SYNE2: variants seen among roughly 807,000 people sequenced by gnomAD.
SYNE2 encodes the protein spectrin repeat containing nuclear envelope protein 2.
In SYNE2, 431 loss-of-function variants were observed where a neutral mutation model predicts 856.3. The observed-to-expected ratio is 0.50, with a 90% CI of 0.47 to 0.55. SYNE2 has a LOEUF of 0.55. SYNE2 is among the 20% of genes least tolerant of loss of function. SYNE2 has a pLI of 0.00. For missense variants in SYNE2, 8,129 were observed against 8,023.2 expected (o/e 1.01, Z -0.50); for synonymous variants, 2,923 against 2,872.3 (o/e 1.02, Z -0.56).
At chr14:63,931,561 A>AAAGAAAG (rs1555384283) in intron 2 of SYNE2, among the ~76,000 whole-genome samples, 3 of 151,094 alleles carry the variant, frequency 2.0e-5, no homozygotes, top group African/African-American at 7.4e-5. Flanking sequence ...AAAAAAAAAA[A>AAAGAAAG]AAAGAAAGAA....
At chr14:64,172,916 CAG>C (rs940827875) in intron 94 of SYNE2, among the ~76,000 whole-genome samples, 1 of 149,662 alleles carries the variant, frequency 6.7e-6, no homozygotes, top group South Asian at 2.1e-4. Flanking sequence ...GCCTGGGTAA[CAG>C]AGCAAGACCT....
At position 64,208,940 on chromosome 14, in the gene SYNE2, C is replaced by T. The variant is rs758890375; in HGVS notation, c.18384C>T (p.Arg6128=). The stretch of plus-strand genomic sequence containing the variant: ...TTTGTGCCATGTCCATGGAGCGGCG[C>T]ATGAAGTAAGAACTAAGCTCCCCCA... ...RNICAMSMER[R]MKIEETWRLW... is the part of the protein sequence containing the mutation. Residue 6128 remains arginine (R), a synonymous_variant, in exon 101 of 116, where the codon CGC becomes CGT. Coordinates refer to ENST00000555002, the MANE Select transcript of SYNE2 (RefSeq NM_182914.3). 1 of 1,613,752 alleles carries T rather than the reference C, an allele frequency of 6.2e-7. No homozygotes were observed. The highest frequency in any genetic ancestry group is 1.3e-5 in the African/African-American group (1 of 74,926).
intron 65 of SYNE2, among the ~76,000 whole-genome samples, chr14:64,112,045 G>A (rs1398931082): frequency 6.6e-6 from 1 of 152,160 alleles, no homozygotes; most frequent in Admixed American, 6.5e-5. Flanking sequence ...TACAACCCAA[G>A]ACACTTGTGC....
At chr14:64,166,505 A>C (rs2098380109) in intron 90 of SYNE2, among the ~76,000 whole-genome samples, 1 of 152,230 alleles carries the variant, frequency 6.6e-6, no homozygotes, top group Non-Finnish European at 1.5e-5. Context: ...GTCATGTTCT[A>C]TCAAAATATG....
At chr14:64,148,941 C>A (rs927232164) in intron 84 of SYNE2, among the ~76,000 whole-genome samples, 1 of 151,738 alleles carries the variant, frequency 6.6e-6, no homozygotes, top group African/African-American at 2.4e-5. Context: ...TATTAATAGA[C>A]CTAAAAGGCT....
At chr14:63,924,158 A>G (rs1182116814) in intron 2 of SYNE2, among the ~76,000 whole-genome samples, 1 of 152,126 alleles carries the variant, frequency 6.6e-6, no homozygotes, top group Non-Finnish European at 1.5e-5. Context: ...GTCAGAAATC[A>G]ATTGCCCATA....
Position 64,157,618 on chromosome 14 carries a change from CAT to C in SYNE2, c.15793-1004_15793-1003del, listed in dbSNP as rs142021162. Among the ~76,000 whole-genome samples, 376 of 152,246 alleles carry C rather than the reference CAT, an allele frequency of 2.5e-3. 1 individual carries two copies. Among genetic ancestry groups the C allele is most frequent in the African/African-American group, 8.7e-3 (361 of 41,542 alleles). On this transcript the variant is annotated intron_variant, in intron 85 of 115. Coordinates refer to ENST00000555002, the MANE Select transcript of SYNE2 (RefSeq NM_182914.3). ...GTGTATAAGAGTACAATTGTTAGGTCATATGGCAACTCTATTTAATTTTTTGA... is the reference window on the plus strand; with the variant it reads ...GTGTATAAGAGTACAATTGTTAGGTCATGGCAACTCTATTTAATTTTTTGA...
At chr14:64,147,713 T>C (rs78235130) in intron 84 of SYNE2, among the ~76,000 whole-genome samples, 1 of 152,208 alleles carries the variant, frequency 6.6e-6, no homozygotes, top group African/African-American at 2.4e-5. Context: ...CTGCCCTCTT[T>C]AGCACACCAA....
intron 94 of SYNE2, chr14:64,173,887 A>G (rs765739132): frequency 7.1e-5 from 47 of 662,388 alleles, no homozygotes; most frequent in Non-Finnish European, 9.9e-5. Context: ...CCTAGTTTCA[A>G]TCTCTTTAAA....
intron 104 of SYNE2, 129 bp downstream of exon 104, chr14:64,212,227 C>G: frequency 6.9e-7 from 1 of 1,440,594 alleles, no homozygotes; most frequent in Non-Finnish European, 9.6e-7. Flanking sequence ...CAGGCTACAT[C>G]CCACCTGTGT....
At chr14:64,214,151 C>G (rs1185262574) in intron 105 of SYNE2, 43 bp from the exon 106 acceptor site, 10 of 1,613,952 alleles carry the variant, frequency 6.2e-6, no homozygotes, top group South Asian at 5.5e-5. Context: ...ATTGCAGAAG[C>G]CTATGAGTTG....
intron 6 of SYNE2, among the ~76,000 whole-genome samples, chr14:63,948,739 G>GT (rs1566883369): frequency 2.9e-5 from 3 of 102,260 alleles, no homozygotes; most frequent in South Asian, 3.1e-4. Flanking sequence ...TATGTGTATA[G>GT]ATATGTGTGT....
chr14:64,162,848 CAATTT>C (rs2098339516), intron 88 of SYNE2: 2 of 191,020 alleles, frequency 1.0e-5, no homozygotes, highest in South Asian at 1.0e-4. Flanking sequence ...ACGTGGCAAC[CAATTT>C]AATTAGGTGA....
At chr14:64,075,797 CT>C in intron 53 of SYNE2, 147 bp from the exon 54 acceptor site, 1 of 770,140 alleles carries the variant, frequency 1.3e-6, no homozygotes, top group Non-Finnish European at 2.2e-6. Flanking sequence ...GTCTCTGGGG[CT>C]TAATCAGCTT....
At position 64,143,888 on chromosome 14, in the gene SYNE2, A is replaced by G. The variant is rs1235715706; in HGVS notation, c.15423A>G (p.Ala5141=). The G allele has an allele frequency of 6.2e-7, 1 of 1,614,112 alleles. No homozygotes were observed. The highest frequency in any genetic ancestry group is 1.3e-5 in the African/African-American group (1 of 74,948). ...AGCGCTATGAAAGAACGGAGTTTGC[A>G]GAGCACCTGGGGGAGATGAACCGCC... is the stretch of plus-strand genomic sequence containing the variant. ...ESKRYERTEF[A]EHLGEMNRQW... is the part of the protein sequence containing the mutation. Residue 5141 remains alanine (A), a synonymous_variant, in exon 83 of 116, where the codon GCA becomes GCG. Coordinates refer to ENST00000555002, the MANE Select transcript of SYNE2 (RefSeq NM_182914.3).
chr14:63,823,184 T>G (rs1184684004), intron 1 of SYNE2, among the ~76,000 whole-genome samples: 1 of 148,304 alleles, frequency 6.7e-6, no homozygotes, highest in African/African-American at 2.4e-5. Flanking sequence ...TACCAAATCT[T>G]TTTTTTTTTT....
chr14:63,961,688 T>A (rs2096316537), intron 9 of SYNE2, 63 bp downstream of exon 9: 1 of 1,197,644 alleles, frequency 8.3e-7, no homozygotes, highest in Non-Finnish European at 1.2e-6. Flanking sequence ...GTTTAATTTT[T>A]AAAATCAAGA....
At chr14:64,041,435 G>A (rs1339583820) in intron 45 of SYNE2, among the ~76,000 whole-genome samples, 1 of 152,066 alleles carries the variant, frequency 6.6e-6, no homozygotes, top group East Asian at 1.9e-4. Context: ...ACTATTAGAA[G>A]ATTAATATCC....
chr14:64,074,540 A>G (rs2097441379), intron 53 of SYNE2, among the ~76,000 whole-genome samples: 1 of 152,136 alleles, frequency 6.6e-6, no homozygotes. Context: ...CTTCAGAAGA[A>G]TCTCCTCTTT....
Sources: allele counts gnomAD v4.1 joint callset (sites outside exome capture counted in the v4.1 genomes callset), GRCh38; gene constraint gnomAD v4.1.1; transcripts MANE v1.5; gene names NCBI Gene and HGNC (gene_info 2026-07-23, HGNC 2026-07-21).